The following FHIP1A variants were observed in gnomAD, a reference collection of about 807,000 sequenced individuals.
FHIP1A encodes FHF complex subunit HOOK interacting protein 1A, also known as FHF complex subunit HOOK-interacting protein 1A.
FHIP1A carries 61 observed loss-of-function variants against 88.6 expected under a neutral mutation model. The ratio of observed to expected loss-of-function variants is 0.69; its 90% CI spans 0.56 to 0.85. FHIP1A has a LOEUF of 0.85. FHIP1A is among the 40% of genes least tolerant of loss of function. FHIP1A has a pLI of 0.00. For synonymous variants in FHIP1A, 478 were observed against 496.0 expected (o/e 0.96, Z 0.48); for missense variants, 1,154 against 1,273.5 (o/e 0.91, Z 1.43).
Position 151,577,935 on chromosome 4 carries a change from C to T in FHIP1A, c.591C>T (p.Ile197=). 6.4e-7 allele frequency: 1 copy of T among 1,551,678 alleles called. No individual in the cohort carries two copies. ...ACCAAGGCGCTGCCAACTTCCTCAT[C>T]TTCTCCCTTCTGATTCCCTTCATTC... ...SEDQGAANFL[I]FSLLIPFIHR... Residue 197 remains isoleucine, a synonymous_variant, in exon 5 of 14, where the codon ATC becomes ATT. Transcript: ENST00000435205.
rs560409226 is a variant in FHIP1A at position 151,416,502 on chromosome 4, C to T, written c.-356+7037C>T. On this transcript the variant is annotated intron_variant, in intron 1 of 13. Transcript: ENST00000435205. ...CATACCCCCTATATTTATATATGCA[C>T]ATATGTATTGTACACATTTGTGTAT... 2.0e-3 allele frequency among the ~76,000 whole-genome samples: 303 copies of T among 152,146 alleles called. 1 individual carries two copies. The highest frequency in any genetic ancestry group is 7.3e-3 in the African/African-American group (301 of 41,506).
chr4:151,564,068 C>G (rs1260179049), intron 3 of FHIP1A, among the ~76,000 whole-genome samples: 4 of 152,222 alleles, frequency 2.6e-5, no homozygotes, highest in Non-Finnish European at 2.9e-5. Flanking sequence ...TTTATCCTGT[C>G]TATACTGCAT....
At chr4:151,548,298 G>A (rs945202098) in intron 3 of FHIP1A, among the ~76,000 whole-genome samples, 15 of 152,138 alleles carry the variant, frequency 9.9e-5, no homozygotes, top group Admixed American at 8.5e-4. Context: ...TAATAAGCGG[G>A]CTAATTCCAT....
intron 2 of FHIP1A, among the ~76,000 whole-genome samples, chr4:151,480,831 C>T (rs1274083956): frequency 9.9e-5 from 15 of 151,928 alleles, no homozygotes; most frequent in Non-Finnish European, 5.9e-5. Context: ...CTGTGTCCCC[C>T]CACCCCCATT....
intron 3 of FHIP1A, among the ~76,000 whole-genome samples, chr4:151,539,513 G>A (rs1262493608): frequency 1.4e-5 from 2 of 146,086 alleles, no homozygotes; most frequent in Non-Finnish European, 3.0e-5. Context: ...GCAGTGAGCT[G>A]AGATCTCACC....
chr4:151,515,850 A>G (rs1235708449), intron 3 of FHIP1A, among the ~76,000 whole-genome samples: 6 of 152,206 alleles, frequency 3.9e-5, no homozygotes, highest in Non-Finnish European at 7.3e-5. Flanking sequence ...GGAAGAATCA[A>G]TATCGTGAAA....
intron 1 of FHIP1A, among the ~76,000 whole-genome samples, chr4:151,442,238 A>G (rs935681073): frequency 6.6e-6 from 1 of 152,054 alleles, no homozygotes; most frequent in East Asian, 1.9e-4. Context: ...GTTATAATGC[A>G]GTGTCTCTTG....
intron 7 of FHIP1A, among the ~76,000 whole-genome samples, chr4:151,613,392 AG>A (rs1735397736): frequency 1.3e-5 from 2 of 152,206 alleles, no homozygotes; most frequent in Admixed American, 1.3e-4. Flanking sequence ...CTCATGTGGC[AG>A]GTGGTAGAAG....
intron 3 of FHIP1A, among the ~76,000 whole-genome samples, chr4:151,561,298 A>G (rs556058811): frequency 6.6e-6 from 1 of 152,174 alleles, no homozygotes; most frequent in Non-Finnish European, 1.5e-5. Flanking sequence ...CTGGAGTTAA[A>G]CTATGGCAAA....
chr4:151,423,995 TG>T (rs1220820575), intron 1 of FHIP1A, among the ~76,000 whole-genome samples: 1 of 152,156 alleles, frequency 6.6e-6, no homozygotes, highest in Non-Finnish European at 1.5e-5. Flanking sequence ...ATGGCTAAAG[TG>T]TGGGAGAAGT....
chr4:151,530,100 G>A (rs1209498831), intron 3 of FHIP1A, among the ~76,000 whole-genome samples: 1 of 152,168 alleles, frequency 6.6e-6, no homozygotes, highest in Non-Finnish European at 1.5e-5. Context: ...CGAACTCAAT[G>A]CTCTGGAGTC....
At chr4:151,448,897 G>T (rs1402229010) in intron 1 of FHIP1A, among the ~76,000 whole-genome samples, 1 of 152,048 alleles carries the variant, frequency 6.6e-6, no homozygotes, top group African/African-American at 2.4e-5. Flanking sequence ...TTTCCTTACC[G>T]GCTGTACTAT....
In FHIP1A at chr4:151,453,810, G is replaced by A. The variant is rs376318558; in HGVS notation, c.-355-891G>A. 5.9e-5 allele frequency among the ~76,000 whole-genome samples: 9 copies of A among 152,038 alleles called. No individual in the cohort carries two copies. In the East Asian group the frequency reaches 1.2e-3, roughly 20 times the overall value. On this transcript the variant is annotated intron_variant, in intron 1 of 13. Coordinates refer to ENST00000435205, the MANE Select transcript of FHIP1A (RefSeq NM_001109977.3). ...TTTTGAACTGGGAGGCGGAGGTTGC[G>A]GTGAGCCGAGATAGCACCATTGCAC...
At chr4:151,453,889 AAAAC>A (rs1358349748) in intron 1 of FHIP1A, among the ~76,000 whole-genome samples, 2 of 152,104 alleles carry the variant, frequency 1.3e-5, no homozygotes, top group Non-Finnish European at 2.9e-5. Flanking sequence ...AACAAAAACA[AAAAC>A]AAAACAAAAC....
chr4:151,533,082 G>A (rs1172947060), intron 3 of FHIP1A: 1 of 152,222 alleles, frequency 6.6e-6, no homozygotes, highest in Admixed American at 6.5e-5. Flanking sequence ...GATAATAATT[G>A]TAGCCCTTTA....
rs1234294782 is a variant in FHIP1A, at chr4:151,488,565, A to T, written c.-123+5917A>T. 3.3e-5 allele frequency among the ~76,000 whole-genome samples: 5 copies of T among 152,180 alleles called. No individual in the cohort carries two copies. In the East Asian group the frequency reaches 9.6e-4, roughly 29 times the overall value. Reference sequence around the variant, plus strand: ...GTTGATGAGCACCTAGGGTGACTCTATGTCTTTACTATTGTGAATAGTGCT... The same window carrying T: ...GTTGATGAGCACCTAGGGTGACTCTTTGTCTTTACTATTGTGAATAGTGCT... On this transcript the variant is annotated intron_variant, in intron 3 of 13. Coordinates refer to ENST00000435205, the MANE Select transcript of FHIP1A (RefSeq NM_001109977.3).
At chr4:151,585,149 G>T (rs1167329580) in intron 5 of FHIP1A, among the ~76,000 whole-genome samples, 1 of 151,598 alleles carries the variant, frequency 6.6e-6, no homozygotes, top group African/African-American at 2.4e-5. Flanking sequence ...TCACCTCAGG[G>T]TTTGTGCTAG....
chr4:151,543,599 T>C (rs1054158689), intron 3 of FHIP1A, among the ~76,000 whole-genome samples: 3 of 152,206 alleles, frequency 2.0e-5, no homozygotes, highest in Non-Finnish European at 4.4e-5. Context: ...TATACATATA[T>C]CTTTCACAAT....
At chr4:151,591,093 CTTTT>C (rs552966792) in intron 7 of FHIP1A, among the ~76,000 whole-genome samples, 1 of 140,840 alleles carries the variant, frequency 7.1e-6, no homozygotes. Context: ...TGTTGGTTTG[CTTTT>C]TTTTTTTTTA....
Sources: gnomAD v4.1 joint callset for allele counts (sites outside exome capture counted in the v4.1 genomes callset) on GRCh38, gnomAD v4.1.1 for gene constraint, MANE v1.5 for transcripts, NCBI Gene and HGNC (gene_info 2026-07-23, HGNC 2026-07-21) for gene names.